CNTN4: variants seen among roughly 807,000 people sequenced by gnomAD.
CNTN4 encodes the protein contactin 4.
Under a neutral mutation model 122.5 loss-of-function variants are expected in CNTN4, and 77 were observed. The ratio of observed to expected loss-of-function variants is 0.63; its 90% CI spans 0.52 to 0.76. The LOEUF is 0.76. Among genes scored for constraint, CNTN4 ranks in the 30% least tolerant of loss-of-function variants. CNTN4 has a pLI of 0.00. For missense variants in CNTN4, 1,256 were observed against 1,259.1 expected (o/e 1.00, Z 0.04); for synonymous variants, 512 against 447.0 (o/e 1.15, Z -1.83).
chr3:3,050,161 AC>A (rs1382969689), intron 23 of CNTN4, among the ~76,000 whole-genome samples: 2 of 152,188 alleles, frequency 1.3e-5, no homozygotes, highest in Non-Finnish European at 2.9e-5. Context: ...GCGAATTTCA[AC>A]ATGAGTTTTG....
At chr3:2,800,094 T>G (rs77742301) in intron 6 of CNTN4, among the ~76,000 whole-genome samples, 2 of 150,374 alleles carry the variant, frequency 1.3e-5, no homozygotes, top group African/African-American at 4.9e-5. Flanking sequence ...TTTTTTTTTT[T>G]GCTTAAGATT....
chr3:2,119,125 A>G (rs981232732), intron 2 of CNTN4, among the ~76,000 whole-genome samples: 1 of 152,230 alleles, frequency 6.6e-6, no homozygotes, highest in Admixed American at 6.5e-5. Context: ...GCCTTCAGAA[A>G]AAAACTGATC....
intron 4 of CNTN4, among the ~76,000 whole-genome samples, chr3:2,574,935 C>T (rs1333860768): frequency 6.6e-6 from 1 of 151,826 alleles, no homozygotes; most frequent in Non-Finnish European, 1.5e-5. Context: ...AAATAAAGGG[C>T]CTGTATAAAG....
chr3:2,255,560 G>A (rs931850627), intron 2 of CNTN4, among the ~76,000 whole-genome samples: 1 of 152,122 alleles, frequency 6.6e-6, no homozygotes, highest in Admixed American at 6.6e-5. Flanking sequence ...CTCAGCAAAT[G>A]CAAAAGAACA....
chr3:2,331,901 G>A (rs893409412), intron 2 of CNTN4, among the ~76,000 whole-genome samples: 1 of 152,168 alleles, frequency 6.6e-6, no homozygotes, highest in African/African-American at 2.4e-5. Context: ...GGGCTGCGGA[G>A]TTATCTTGTC....
intron 3 of CNTN4, among the ~76,000 whole-genome samples, chr3:2,445,882 AT>A (rs1214249348): frequency 2.0e-5 from 3 of 151,952 alleles, no homozygotes; most frequent in Admixed American, 6.6e-5. Context: ...TTTTGCAGAG[AT>A]GGGGGAAGCC....
intron 2 of CNTN4, among the ~76,000 whole-genome samples, chr3:2,234,008 C>T (rs2039586516): frequency 6.6e-6 from 1 of 151,954 alleles, no homozygotes; most frequent in African/African-American, 2.4e-5. Context: ...CCATATAATT[C>T]CTTTCTCTGT....
At chr3:2,283,964 C>T (rs1299675840) in intron 2 of CNTN4, among the ~76,000 whole-genome samples, 1 of 152,054 alleles carries the variant, frequency 6.6e-6, no homozygotes, top group Admixed American at 6.6e-5. Flanking sequence ...CTTTGCCTGG[C>T]CTGAAATCTG....
chr3:2,739,312 TAA>T (rs200387504), intron 5 of CNTN4, among the ~76,000 whole-genome samples: 1 of 144,794 alleles, frequency 6.9e-6, no homozygotes, highest in African/African-American at 2.5e-5. Flanking sequence ...TAAAAGCCAT[TAA>T]AAAAAAAAAC....
At chr3:2,835,893 G>T (rs1161552996) in intron 7 of CNTN4, among the ~76,000 whole-genome samples, 2 of 152,018 alleles carry the variant, frequency 1.3e-5, no homozygotes, top group Non-Finnish European at 2.9e-5. Flanking sequence ...TGGAAAGAAA[G>T]AAGATAAAAC....
At chr3:2,538,996 A>G (rs956321131) in intron 3 of CNTN4, among the ~76,000 whole-genome samples, 4 of 152,024 alleles carry the variant, frequency 2.6e-5, no homozygotes, top group Non-Finnish European at 5.9e-5. Flanking sequence ...TTATTGATGT[A>G]ACTACTCCCC....
intron 2 of CNTN4, among the ~76,000 whole-genome samples, chr3:2,300,770 C>G (rs998441609): frequency 2.0e-5 from 3 of 151,776 alleles, no homozygotes; most frequent in African/African-American, 7.3e-5. Context: ...GGGGTTTCAC[C>G]ATGTTGGCCA....
intron 12 of CNTN4, among the ~76,000 whole-genome samples, chr3:2,904,021 G>A (rs929476665): frequency 6.6e-5 from 10 of 151,474 alleles, no homozygotes; most frequent in South Asian, 2.1e-4. Context: ...ATCTATGGAC[G>A]TTAAAAAAAA....
At chr3:2,373,402 C>G (rs554298947) in intron 3 of CNTN4, among the ~76,000 whole-genome samples, 2 of 152,190 alleles carry the variant, frequency 1.3e-5, no homozygotes, top group African/African-American at 2.4e-5. Flanking sequence ...TGCCGTGAAT[C>G]GAGTACGTAC....
intron 4 of CNTN4, among the ~76,000 whole-genome samples, chr3:2,623,503 G>A (rs907319735): frequency 6.6e-6 from 1 of 152,160 alleles, no homozygotes; most frequent in South Asian, 2.1e-4. Flanking sequence ...CAGAGGGGCA[G>A]GGGAGGTCAG....
chr3:2,752,352 GT>G (rs1360535555), intron 6 of CNTN4, among the ~76,000 whole-genome samples: 3 of 152,060 alleles, frequency 2.0e-5, no homozygotes, highest in African/African-American at 7.2e-5. Flanking sequence ...GAGTAAATTG[GT>G]TTTTTGTTGT....
chr3:2,969,121 G>A (rs764411704), intron 13 of CNTN4, among the ~76,000 whole-genome samples: 35 of 152,058 alleles, frequency 2.3e-4, no homozygotes, highest in South Asian at 4.1e-4. Context: ...GCTGACTCAC[G>A]TATCTGAAAA....
intron 12 of CNTN4, among the ~76,000 whole-genome samples, chr3:2,908,391 A>G (rs2094261166): frequency 6.6e-6 from 1 of 152,200 alleles, no homozygotes; most frequent in Non-Finnish European, 1.5e-5. Context: ...AGGATAGCTA[A>G]GGTCTCCAAA....
chr3:2,239,665 G>T (rs984598057), intron 2 of CNTN4, among the ~76,000 whole-genome samples: 1 of 152,068 alleles, frequency 6.6e-6, no homozygotes, highest in Non-Finnish European at 1.5e-5. Flanking sequence ...TAATAATTTT[G>T]TATTGGTAAG....
Sources: allele counts gnomAD v4.1 joint callset (sites outside exome capture counted in the v4.1 genomes callset), GRCh38; gene constraint gnomAD v4.1.1; transcripts MANE v1.5; gene names NCBI Gene and HGNC (gene_info 2026-07-23, HGNC 2026-07-21).